Variants in CACNA2D3 observed in about 807,000 individuals in gnomAD.
CACNA2D3 encodes the protein calcium voltage-gated channel auxiliary subunit alpha2delta 3.
In CACNA2D3, 60 loss-of-function variants were observed where a neutral mutation model predicts 160.6. The ratio of observed to expected loss-of-function variants is 0.37; its 90% CI spans 0.30 to 0.46. The LOEUF (loss-of-function observed/expected upper bound fraction) is 0.46. Among genes scored for constraint, CACNA2D3 ranks in the 20% least tolerant of loss-of-function variants. The pLI is 1.00. For missense variants in CACNA2D3, 1,205 were observed against 1,365.0 expected (o/e 0.88, Z 1.85); for synonymous variants, 558 against 492.9 (o/e 1.13, Z -1.75).
chr3:54,241,615 C>T (rs1203737948), intron 2 of CACNA2D3, among the ~76,000 whole-genome samples: 1 of 152,194 alleles, frequency 6.6e-6, no homozygotes, highest in East Asian at 1.9e-4. Flanking sequence ...GGTATATGGC[C>T]TGCATGCTGG....
intron 11 of CACNA2D3, among the ~76,000 whole-genome samples, chr3:54,647,741 G>A (rs905252581): frequency 2.6e-5 from 4 of 152,254 alleles, no homozygotes; most frequent in African/African-American, 9.6e-5. Flanking sequence ...TTTAGAGTGA[G>A]TTGGAAGAAG....
intron 26 of CACNA2D3, among the ~76,000 whole-genome samples, chr3:54,899,276 A>C (rs1401945315): frequency 1.3e-5 from 2 of 152,348 alleles, no homozygotes; most frequent in South Asian, 4.1e-4. Flanking sequence ...CTCTAGCTCT[A>C]TCCCTGTTTA....
At chr3:54,790,860 C>G (rs965983517) in intron 13 of CACNA2D3, among the ~76,000 whole-genome samples, 4 of 152,080 alleles carry the variant, frequency 2.6e-5, no homozygotes, top group Admixed American at 2.0e-4. Flanking sequence ...GTCACTATTG[C>G]TAGGCAGTGT....
At chr3:54,140,451 C>G (rs979941935) in intron 2 of CACNA2D3, among the ~76,000 whole-genome samples, 1 of 152,236 alleles carries the variant, frequency 6.6e-6, no homozygotes, top group African/African-American at 2.4e-5. Context: ...GCCCCACTTT[C>G]TCTCACATTT....
intron 11 of CACNA2D3, among the ~76,000 whole-genome samples, chr3:54,665,667 C>T (rs1323979066): frequency 4.6e-5 from 7 of 151,848 alleles, no homozygotes; most frequent in African/African-American, 1.7e-4. Context: ...TAGGAAGAGA[C>T]TACTGACAGG....
At chr3:54,256,776 A>C (rs1453172247) in intron 2 of CACNA2D3, among the ~76,000 whole-genome samples, 1 of 137,160 alleles carries the variant, frequency 7.3e-6, no homozygotes, top group Non-Finnish European at 1.6e-5. Flanking sequence ...AAAAAAAAAA[A>C]CCACTGTAAG....
intron 14 of CACNA2D3, among the ~76,000 whole-genome samples, chr3:54,821,697 T>TTTCCTTCCTTCCTTCCTTCC (rs71096452): frequency 2.4e-5 from 2 of 84,142 alleles, no homozygotes; most frequent in South Asian, 4.2e-4. Context: ...TCTTTCTTTC[T>TTTCCTTCCTTCCTTCCTTCC]TTCCTTCCTT....
At chr3:54,371,181 G>T (rs945400818) in intron 3 of CACNA2D3, among the ~76,000 whole-genome samples, 107 of 152,178 alleles carry the variant, frequency 7.0e-4, no homozygotes, top group Admixed American at 6.8e-3. Flanking sequence ...GAACATTTGT[G>T]TATATGTTTT....
chr3:54,880,463 G>T (rs1451490158), intron 20 of CACNA2D3, among the ~76,000 whole-genome samples: 1 of 152,186 alleles, frequency 6.6e-6, no homozygotes, highest in Non-Finnish European at 1.5e-5. Context: ...GCAGGACAAG[G>T]GTGTATAAAG....
chr3:54,577,292 A>G (rs1168353771), intron 8 of CACNA2D3, among the ~76,000 whole-genome samples: 1 of 152,138 alleles, frequency 6.6e-6, no homozygotes, highest in Non-Finnish European at 1.5e-5. Flanking sequence ...TTTCCCAGTA[A>G]GCTGGCTGCA....
rs150324375 is a variant in CACNA2D3 at position 54,544,636 on chromosome 3, G to T, written c.545-18164G>T. 1.5e-3 allele frequency among the ~76,000 whole-genome samples: 221 copies of T among 152,074 alleles called. 2 individuals carry two copies. The highest frequency in any genetic ancestry group is 5.0e-3 in the African/African-American group (207 of 41,490). On this transcript the variant is annotated intron_variant, in intron 5 of 37. Transcript: ENST00000474759. ...TGGTCTCAAACTCCTGGCCTCAAGC[G>T]ATCCTCTCATCTCAGCCTCCCAAAG... is the stretch of plus-strand genomic sequence containing the variant.
At chr3:54,255,462 T>C (rs562339307) in intron 2 of CACNA2D3, among the ~76,000 whole-genome samples, 1 of 152,308 alleles carries the variant, frequency 6.6e-6, no homozygotes, top group East Asian at 1.9e-4. Context: ...TGAAGTAAGG[T>C]CCCAATTACA....
rs117904040 is a variant in CACNA2D3, at chr3:54,717,808, G to T, written c.1168-34791G>T. Reference sequence around the variant, plus strand: ...GTGCGTGTGTGGTGTGCGTGTGTGCGCATGTTTGCGTGTGTGTGGTGTGTG... The same window carrying T: ...GTGCGTGTGTGGTGTGCGTGTGTGCTCATGTTTGCGTGTGTGTGGTGTGTG... On this transcript the variant is annotated intron_variant, in intron 11 of 37. Coordinates refer to ENST00000474759, the MANE Select transcript of CACNA2D3 (RefSeq NM_018398.3). 8.4e-4 allele frequency among the ~76,000 whole-genome samples: 116 copies of T among 138,236 alleles called. 1 individual carries two copies. The East Asian group carries it at 0.022, about 26-fold the overall frequency. 90.7% of individuals were successfully genotyped at this position (138,236 alleles called of 152,430 possible).
rs568519029 is a variant in CACNA2D3, at chr3:54,336,837, A to C, written c.321+16279A>C. Among the ~76,000 whole-genome samples the C allele has an allele frequency of 1.7e-4, 26 of 152,332 alleles. 1 individual carries two copies. In the South Asian group the frequency reaches 5.4e-3, roughly 32 times the overall value. ...AATAGCATAAGATTTATAGTACAGTAGCATCTATATAAATTAAAAGTATAT... is the reference window on the plus strand; with the variant it reads ...AATAGCATAAGATTTATAGTACAGTCGCATCTATATAAATTAAAAGTATAT... On this transcript the variant is annotated intron_variant, in intron 3 of 37. Coordinates refer to ENST00000474759, the MANE Select transcript of CACNA2D3 (RefSeq NM_018398.3).
intron 3 of CACNA2D3, among the ~76,000 whole-genome samples, chr3:54,372,082 T>A (rs1698934641): frequency 6.6e-6 from 1 of 152,240 alleles, no homozygotes; most frequent in Admixed American, 6.5e-5. Context: ...CCCAAGGGCC[T>A]CAGAGATGGC....
intron 31 of CACNA2D3, among the ~76,000 whole-genome samples, chr3:54,991,519 G>A (rs34101748): frequency 0.035 from 5,302 of 152,168 alleles, 138 homozygotes; most frequent in Middle Eastern, 0.13. Context: ...CATCATGCCC[G>A]GCCTCTTGCA....
chr3:54,836,982 C>T (rs1439124976), intron 14 of CACNA2D3, among the ~76,000 whole-genome samples, 177 bp from the exon 15 acceptor site: 2 of 152,210 alleles, frequency 1.3e-5, no homozygotes, highest in Non-Finnish European at 2.9e-5. Flanking sequence ...GGGGCTGGGA[C>T]TGTCCTCTGC....
At chr3:54,513,881 C>T (rs1701499815) in intron 5 of CACNA2D3, among the ~76,000 whole-genome samples, 1 of 152,142 alleles carries the variant, frequency 6.6e-6, no homozygotes, top group African/African-American at 2.4e-5. Context: ...CCATGTTGGC[C>T]AGGCTGGCCT....
At chr3:54,217,931 TAGAG>T (rs1183326105) in intron 2 of CACNA2D3, among the ~76,000 whole-genome samples, 2 of 149,232 alleles carry the variant, frequency 1.3e-5, no homozygotes, top group African/African-American at 2.5e-5. Flanking sequence ...AGAGATGTGT[TAGAG>T]AGGTAGAGAG....
Sources: gnomAD v4.1 joint callset for allele counts (sites outside exome capture counted in the v4.1 genomes callset) on GRCh38, gnomAD v4.1.1 for gene constraint, MANE v1.5 for transcripts, NCBI Gene and HGNC (gene_info 2026-07-23, HGNC 2026-07-21) for gene names.